Variants in TBC1D32 observed in about 807,000 individuals in gnomAD.
The protein encoded by TBC1D32 is protein broad-minded.
TBC1D32 carries 151 observed loss-of-function variants against 170.3 expected under a neutral mutation model. The observed-to-expected ratio is 0.89, with a 90% CI of 0.78 to 1.01. TBC1D32 has a LOEUF of 1.01. TBC1D32 is among the 50% of genes least tolerant of loss of function. The probability of loss-of-function intolerance (pLI) is 0.00; values close to 1 mark genes in which losing one functional copy is unlikely to be tolerated. For synonymous variants in TBC1D32, 498 were observed against 488.0 expected (o/e 1.02, Z -0.27); for missense variants, 1,464 against 1,457.1 (o/e 1.00, Z -0.08).
chr6:121,313,605 C>T (rs1188273630), intron 3 of TBC1D32, among the ~76,000 whole-genome samples: 1 of 152,128 alleles, frequency 6.6e-6, no homozygotes, highest in Non-Finnish European at 1.5e-5. Context: ...AAAATCCTAG[C>T]TATCTTTCCC....
chr6:121,104,770 C>T (rs1025513879), intron 30 of TBC1D32, among the ~76,000 whole-genome samples: 5 of 151,386 alleles, frequency 3.3e-5, no homozygotes, highest in Admixed American at 6.6e-5. Flanking sequence ...AGATATGATA[C>T]AGAACAAACA....
intron 10 of TBC1D32, among the ~76,000 whole-genome samples, chr6:121,295,289 C>CAA (rs60783883): frequency 0.4 from 43,473 of 108,152 alleles, 10,093 homozygotes; most frequent in Non-Finnish European, 0.55. Flanking sequence ...ATCCTAATTC[C>CAA]AAAAAAAAAA....
intron 22 of TBC1D32, among the ~76,000 whole-genome samples, chr6:121,174,341 A>C (rs1351786543): frequency 2.6e-5 from 4 of 152,172 alleles, no homozygotes; most frequent in Non-Finnish European, 5.9e-5. Context: ...GATATTAGTC[A>C]AGAAATTCTC....
intron 22 of TBC1D32, among the ~76,000 whole-genome samples, chr6:121,196,062 C>T (rs1351875592): frequency 6.6e-6 from 1 of 152,168 alleles, no homozygotes; most frequent in Admixed American, 6.5e-5. Flanking sequence ...TGGTCAAAAA[C>T]CATGAAGATA....
intron 22 of TBC1D32, among the ~76,000 whole-genome samples, chr6:121,172,692 C>T (rs1787208366): frequency 6.6e-6 from 1 of 152,144 alleles, no homozygotes; most frequent in Non-Finnish European, 1.5e-5. Context: ...ATGAGTATTT[C>T]CTCCTTATTT....
intron 22 of TBC1D32, among the ~76,000 whole-genome samples, chr6:121,191,441 C>T (rs1490855291): frequency 1.3e-5 from 2 of 152,002 alleles, no homozygotes; most frequent in East Asian, 3.9e-4. Context: ...TTTTAGGAAG[C>T]TTTCAATTTT....
intron 19 of TBC1D32, among the ~76,000 whole-genome samples, chr6:121,240,191 T>C (rs988114187): frequency 5.3e-5 from 8 of 152,138 alleles, no homozygotes; most frequent in Admixed American, 2.6e-4. Flanking sequence ...ACCCCTCTCA[T>C]GAAAAGTTTG....
At chr6:121,139,575 C>A (rs555759602) in intron 24 of TBC1D32, among the ~76,000 whole-genome samples, 2 of 151,964 alleles carry the variant, frequency 1.3e-5, no homozygotes, top group South Asian at 2.1e-4. Flanking sequence ...AATTGTTAAA[C>A]AAAATCAGTA....
Position 121,131,370 on chromosome 6 carries a change from C to A in TBC1D32, c.2899+257G>T, listed in dbSNP as rs547253466. ...TAAAAACTGAATATGAAAAAAAAAA[C>A]CAAGCAAATTGCTACCTAGTCTAGT... On this transcript the variant is annotated intron_variant, in intron 25 of 31. Transcript: ENST00000398212. Among the ~76,000 whole-genome samples the A allele has an allele frequency of 1.2e-3, 177 of 149,362 alleles. 2 individuals are homozygous for A. The highest frequency in any genetic ancestry group is 9.1e-3 in the Admixed American group (136 of 15,014).
chr6:121,275,157 A>G (rs2128434256), intron 15 of TBC1D32, among the ~76,000 whole-genome samples: 1 of 152,286 alleles, frequency 6.6e-6, no homozygotes, highest in African/African-American at 2.4e-5. Flanking sequence ...ATGTATTTGT[A>G]TGTTTGGTGG....
At chr6:121,255,890 G>A (rs1031413616) in intron 16 of TBC1D32, among the ~76,000 whole-genome samples, 194 bp downstream of exon 16, 1 of 152,096 alleles carries the variant, frequency 6.6e-6, no homozygotes, top group African/African-American at 2.4e-5. Flanking sequence ...TTAGAACTTT[G>A]TCCCACTGGG....
chr6:121,158,427 T>G (rs1785185367), intron 24 of TBC1D32, among the ~76,000 whole-genome samples: 1 of 152,162 alleles, frequency 6.6e-6, no homozygotes, highest in Non-Finnish European at 1.5e-5. Flanking sequence ...TCCTTGGATT[T>G]CTAGGACTGG....
intron 17 of TBC1D32, among the ~76,000 whole-genome samples, chr6:121,242,909 G>A (rs1797171400): frequency 6.6e-6 from 1 of 152,014 alleles, no homozygotes; most frequent in Admixed American, 6.6e-5. Flanking sequence ...GATGTTTGGA[G>A]AATCAATGCT....
intron 24 of TBC1D32, among the ~76,000 whole-genome samples, chr6:121,147,099 A>C (rs1203377208): frequency 6.6e-6 from 1 of 152,206 alleles, no homozygotes; most frequent in Non-Finnish European, 1.5e-5. Context: ...GCATTAATGC[A>C]CTTAGAATAA....
chr6:121,321,874 A>G (rs1809777902), intron 1 of TBC1D32, 80 bp from the exon 2 acceptor site: 1 of 1,248,378 alleles, frequency 8.0e-7, no homozygotes, highest in Non-Finnish European at 1.1e-6. Flanking sequence ...GAAAGGTAAC[A>G]TATTAAGATT....
intron 15 of TBC1D32, among the ~76,000 whole-genome samples, chr6:121,265,526 C>T (rs1800354249): frequency 6.6e-6 from 1 of 151,742 alleles, no homozygotes. Flanking sequence ...CATCAAACTA[C>T]CATTGACATT....
At chr6:121,178,826 C>T (rs1280816588) in intron 22 of TBC1D32, among the ~76,000 whole-genome samples, 1 of 152,130 alleles carries the variant, frequency 6.6e-6, no homozygotes, top group Admixed American at 6.5e-5. Flanking sequence ...CTTTAGCTAG[C>T]AAGAAAATAA....
At chr6:121,102,371 G>T (rs906562583) in intron 30 of TBC1D32, among the ~76,000 whole-genome samples, 3 of 152,074 alleles carry the variant, frequency 2.0e-5, no homozygotes, top group African/African-American at 7.2e-5. Flanking sequence ...AAACAGCATG[G>T]TACTGGTACC....
intron 15 of TBC1D32, among the ~76,000 whole-genome samples, chr6:121,267,090 AAAAAG>A (rs1222908386): frequency 1.1e-3 from 172 of 149,652 alleles, no homozygotes; most frequent in African/African-American, 3.8e-3. Flanking sequence ...AAAAAAAAAA[AAAAAG>A]AATAGGACAC....
Sources: allele counts gnomAD v4.1 joint callset (sites outside exome capture counted in the v4.1 genomes callset), GRCh38; gene constraint gnomAD v4.1.1; transcripts MANE v1.5; gene names NCBI Gene and HGNC (gene_info 2026-07-23, HGNC 2026-07-21).